TMCO5A: variants seen among roughly 807,000 people sequenced by gnomAD.
The protein encoded by TMCO5A is transmembrane and coiled-coil domain-containing protein 5A.
TMCO5A carries 34 observed loss-of-function variants against 42.3 expected under a neutral mutation model. The ratio of observed to expected loss-of-function variants is 0.80; its 90% CI spans 0.61 to 1.07. The LOEUF (loss-of-function observed/expected upper bound fraction) is 1.07, where lower values mean the gene tolerates loss of function less well. TMCO5A is among the 50% of genes least tolerant of loss of function. The probability of loss-of-function intolerance (pLI) is 0.00; values close to 1 mark genes in which losing one functional copy is unlikely to be tolerated. For missense variants in TMCO5A, 357 were observed against 327.9 expected (o/e 1.09, Z -0.69); for synonymous variants, 131 against 115.6 (o/e 1.13, Z -0.86).
At chr15:37,963,628 G>A (rs776770235) in intron 11 of TMCO5A, among the ~76,000 whole-genome samples, 10 of 152,052 alleles carry the variant, frequency 6.6e-5, no homozygotes, top group African/African-American at 1.9e-4. Flanking sequence ...TGTGATGACC[G>A]ATCTACTGCT....
At chr15:38,028,970 C>A in the TMCO5A span, among the ~76,000 whole-genome samples, 5 of 152,036 alleles carry the variant, frequency 3.3e-5, no homozygotes, top group African/African-American at 1.2e-4. Context: ...AAATGAAGAC[C>A]CAACTTTGAG....
the TMCO5A span, among the ~76,000 whole-genome samples, chr15:38,031,859 C>A: frequency 6.6e-6 from 1 of 152,166 alleles, no homozygotes; most frequent in Admixed American, 6.5e-5. Flanking sequence ...CCCACTGCCC[C>A]TTGTGAGGCT....
At chr15:37,976,445 T>G in the TMCO5A span, among the ~76,000 whole-genome samples, 1 of 152,156 alleles carries the variant, frequency 6.6e-6, no homozygotes, top group Non-Finnish European at 1.5e-5. Flanking sequence ...AATTTGAATG[T>G]TGGCCTCTCT....
the TMCO5A span, among the ~76,000 whole-genome samples, chr15:38,036,485 C>T: frequency 1.3e-5 from 1 of 79,776 alleles, no homozygotes; most frequent in African/African-American, 4.7e-5. Flanking sequence ...CTGTTTTTGT[C>T]TCTCTCTCTC....
rs115261358 is a variant in TMCO5A at position 37,942,121 on chromosome 15, G to A, written c.505-70G>A. Reference sequence around the variant, plus strand: ...TTCATGGTATCATGTAATAACAAGTGCTTATTATGCTTAGAAAAATTGTAA... The same window carrying A: ...TTCATGGTATCATGTAATAACAAGTACTTATTATGCTTAGAAAAATTGTAA... On this transcript the variant is annotated intron_variant, in intron 8 of 11. Coordinates refer to ENST00000319669, the MANE Select transcript of TMCO5A (RefSeq NM_152453.4). 2.8e-4 allele frequency: 393 copies of A among 1,382,858 alleles called. 3 individuals carry two copies. The African/African-American group carries it at 5.1e-3, about 18-fold the overall frequency. 85.7% of individuals were successfully genotyped at this position (1,382,858 alleles called of 1,614,324 possible).
At chr15:37,970,885 C>A (rs1890661720), downstream of TMCO5A, among the ~76,000 whole-genome samples, 1 of 152,234 alleles carries the variant, frequency 6.6e-6, no homozygotes, top group Admixed American at 6.5e-5. Context: ...AGCTCTGCCC[C>A]TGTGGCTTTG....
intron 11 of TMCO5A, among the ~76,000 whole-genome samples, chr15:37,966,286 G>GTT (rs570651958): frequency 2.0e-5 from 3 of 146,588 alleles, no homozygotes; most frequent in Non-Finnish European, 3.0e-5. Context: ...ATGCTTAGTG[G>GTT]TTTTTTTTTT....
chr15:37,949,051 C>G (rs1480157308), intron 11 of TMCO5A, among the ~76,000 whole-genome samples: 3 of 151,884 alleles, frequency 2.0e-5, no homozygotes, highest in South Asian at 2.1e-4. Flanking sequence ...CATCCCAAAA[C>G]AGCTGGGTAA....
chr15:37,985,012 T>G, the TMCO5A span, among the ~76,000 whole-genome samples: 1 of 151,648 alleles, frequency 6.6e-6, no homozygotes, highest in Non-Finnish European at 1.5e-5. Flanking sequence ...GAATGAAGTA[T>G]TCCACAAATA....
At chr15:38,029,297 T>C in the TMCO5A span, among the ~76,000 whole-genome samples, 2 of 151,320 alleles carry the variant, frequency 1.3e-5, no homozygotes, top group East Asian at 3.9e-4. Context: ...CACATATGCA[T>C]ACACTTTCAC....
At chr15:38,003,965 C>T in the TMCO5A span, among the ~76,000 whole-genome samples, 1 of 152,072 alleles carries the variant, frequency 6.6e-6, no homozygotes, top group Non-Finnish European at 1.5e-5. Context: ...TTTCCTTAAG[C>T]AAAAGGAGTC....
At chr15:37,954,680 T>C (rs1476380241), downstream of TMCO5A, among the ~76,000 whole-genome samples, 2 of 152,092 alleles carry the variant, frequency 1.3e-5, no homozygotes, top group Admixed American at 6.6e-5. Flanking sequence ...CTGTGGTATG[T>C]ATACTACCTT....
Position 37,951,062 on chromosome 15 carries a change from C to A in TMCO5A, c.695C>A (p.Thr232Asn). 6.2e-7 allele frequency: 1 copy of A among 1,612,384 alleles called. No homozygotes were observed. ...ATTTTTTGCTGTCTCTTTTTCATCACCCTATTTTTCATCAGACTGCTGAGC... is the reference window on the plus strand; with the variant it reads ...ATTTTTTGCTGTCTCTTTTTCATCAACCTATTTTTCATCAGACTGCTGAGC... ...KKIFCCLFFI[T>N]LFFIRLLSYM... The change falls in exon 12 of 12, where the codon ACC becomes AAC. Residue 232 changes from threonine (T) to asparagine (N), a missense_variant. Physicochemically the swap from Thr to Asn is moderately conservative, Grantham distance 65. Coordinates refer to ENST00000319669, the MANE Select transcript of TMCO5A (RefSeq NM_152453.4).
the TMCO5A span, among the ~76,000 whole-genome samples, chr15:38,029,367 C>CCA: frequency 0.16 from 22,977 of 147,882 alleles, 1,791 homozygotes; most frequent in South Asian, 0.26. Flanking sequence ...CATGAATACA[C>CCA]CACACACACA....
chr15:37,939,317 G>A (rs1889646053), intron 6 of TMCO5A, among the ~76,000 whole-genome samples: 1 of 152,068 alleles, frequency 6.6e-6, no homozygotes, highest in South Asian at 2.1e-4. Flanking sequence ...CACAAAAATA[G>A]GAAGTCTAAA....
At chr15:37,978,931 G>A in the TMCO5A span, among the ~76,000 whole-genome samples, 2 of 151,684 alleles carry the variant, frequency 1.3e-5, no homozygotes, top group Admixed American at 6.6e-5. Context: ...GCAGGACCAA[G>A]GTGGGTCGAG....
chr15:37,969,867 C>A (rs1890641515), downstream of TMCO5A, among the ~76,000 whole-genome samples: 1 of 152,090 alleles, frequency 6.6e-6, no homozygotes, highest in Non-Finnish European at 1.5e-5. Context: ...TAATCTTGTT[C>A]TTTTTTTATG....
the TMCO5A span, among the ~76,000 whole-genome samples, chr15:37,987,204 G>A: frequency 6.6e-6 from 1 of 151,722 alleles, no homozygotes. Context: ...TGTTTATATC[G>A]TCTTTGAAGC....
the TMCO5A span, among the ~76,000 whole-genome samples, chr15:37,992,933 T>C: frequency 6.6e-6 from 1 of 152,158 alleles, no homozygotes; most frequent in Non-Finnish European, 1.5e-5. Flanking sequence ...AAATAATCTG[T>C]ACAACAAACC....
Sources: allele counts gnomAD v4.1 joint callset (sites outside exome capture counted in the v4.1 genomes callset), GRCh38; gene constraint gnomAD v4.1.1; transcripts MANE v1.5; gene names NCBI Gene and HGNC (gene_info 2026-07-23, HGNC 2026-07-21).